AGAP1: variants seen among roughly 807,000 people sequenced by gnomAD.
AGAP1 encodes the protein ArfGAP with GTPase domain, ankyrin repeat and PH domain 1.
In AGAP1, 29 loss-of-function variants were observed where a neutral mutation model predicts 105.3. The observed-to-expected ratio is 0.28, with a 90% CI of 0.21 to 0.38. The LOEUF is 0.38. Ranked by LOEUF, AGAP1 falls within the 10% of genes least tolerant of loss-of-function variation. The pLI is 1.00. For synonymous variants in AGAP1, 509 were observed against 485.9 expected (o/e 1.05, Z -0.63); for missense variants, 998 against 1,165.1 (o/e 0.86, Z 2.09).
chr2:235,674,793 A>G (rs1333467696), intron 1 of AGAP1, among the ~76,000 whole-genome samples: 1 of 151,036 alleles, frequency 6.6e-6, no homozygotes, highest in East Asian at 2.0e-4. Context: ...GGTTCAAGCA[A>G]TTCTCCTCCC....
intron 12 of AGAP1, among the ~76,000 whole-genome samples, chr2:235,943,866 T>A (rs1383003568): frequency 6.6e-6 from 1 of 152,200 alleles, no homozygotes; most frequent in Non-Finnish European, 1.5e-5. Context: ...TGGTTTTGCA[T>A]TCTTAAACTT....
chr2:236,035,314 T>C lies in AGAP1; in HGVS notation c.1646-1247T>C, dbSNP rs2057346684. On this transcript the variant is annotated intron_variant, in intron 13 of 17. Coordinates refer to ENST00000304032, the MANE Select transcript of AGAP1 (RefSeq NM_001037131.3). The surrounding 1 kb of genome is among the most constrained non-coding windows in gnomAD (Gnocchi z 4.2). ...CCCGGAAACATTGAGTCAAATGAGA[T>C]GTTGTGTCTGAAAACCTAGTTGAAG... Among the ~76,000 whole-genome samples, 1 of 152,108 alleles carries C rather than the reference T, an allele frequency of 6.6e-6. No homozygotes were observed. Among genetic ancestry groups the C allele is most frequent in the African/African-American group, 2.4e-5 (1 of 41,422 alleles).
chr2:235,855,584 T>C lies in AGAP1; in HGVS notation c.1051-27761T>C, dbSNP rs959822049. ...TTAAATATAGGGTATCATTCTTTCC[T>C]TTAGATTCGTTGCCCTGAACTTTTG... On this transcript the variant is annotated intron_variant, in intron 9 of 17. Coordinates refer to ENST00000304032, the MANE Select transcript of AGAP1 (RefSeq NM_001037131.3). The surrounding 1 kb of genome is among the most constrained non-coding windows in gnomAD (Gnocchi z 5.0). Among the ~76,000 whole-genome samples the C allele has an allele frequency of 6.6e-6, 1 of 152,226 alleles. No individual in the cohort carries two copies. The highest frequency in any genetic ancestry group is 2.4e-5 in the African/African-American group (1 of 41,470).
chr2:235,771,307 C>T (rs1049691458), intron 6 of AGAP1, among the ~76,000 whole-genome samples: 13 of 152,208 alleles, frequency 8.5e-5, no homozygotes, highest in African/African-American at 2.9e-4. Context: ...CTGGGGAGCA[C>T]GGTCTCCAGG....
chr2:236,042,697 A>G lies in AGAP1; in HGVS notation c.1891+1856A>G, dbSNP rs1052148372. ...GGTCCTGTCTGAGATGAGCTTGTGC[A>G]TGTGAGTGCGGATGGGGGGTGGGAA... On this transcript the variant is annotated intron_variant, in intron 15 of 17. Coordinates refer to ENST00000304032, the MANE Select transcript of AGAP1 (RefSeq NM_001037131.3). This position sits in a 1 kb window ranked among gnomAD's most constrained non-coding sequence, Gnocchi z 5.6. Among the ~76,000 whole-genome samples the G allele has an allele frequency of 4.6e-5, 7 of 152,066 alleles. No homozygotes were observed. The highest frequency in any genetic ancestry group is 1.7e-4 in the African/African-American group (7 of 41,430).
At position 236,128,757 on chromosome 2, in the gene AGAP1, G is replaced by A. The variant is rs2060043016; in HGVS notation, c.*4635G>A. 6.6e-6 allele frequency: 1 copy of A among 152,232 alleles called. No homozygotes were observed. Among genetic ancestry groups the A allele is most frequent in the Non-Finnish European group, 1.5e-5 (1 of 68,052 alleles). 9.4% of individuals were successfully genotyped at this position (152,232 alleles called of 1,614,324 possible). A position where few individuals can be genotyped will look rare whatever the true frequency, so the allele number is the denominator to read the frequency against. ...CTGGCAACGATGTAGCTTCCCCTGA[G>A]ATGCGGTATGATCAGGCCTCAGCAA... is the stretch of plus-strand genomic sequence containing the variant. On this transcript the variant is annotated 3_prime_UTR_variant, in exon 18 of 18. Transcript: ENST00000304032. The surrounding 1 kb of genome is among the most constrained non-coding windows in gnomAD (Gnocchi z 5.9).
rs1472012505 is a variant in AGAP1, at chr2:235,959,588, C to T, written c.1484-8874C>T. On this transcript the variant is annotated intron_variant, in intron 12 of 17. Transcript: ENST00000304032. This position sits in a 1 kb window ranked among gnomAD's most constrained non-coding sequence, Gnocchi z 7.3. ...AGGTGGGTCCTCTCTGGTCGCTCCT[C>T]ACTGGTCTTGAGTCCCAGGTGACAC... Among the ~76,000 whole-genome samples, 5 of 152,026 alleles carry T rather than the reference C, an allele frequency of 3.3e-5. No homozygotes were observed. Among genetic ancestry groups the T allele is most frequent in the African/African-American group, 1.2e-4 (5 of 41,400 alleles).
Position 235,964,090 on chromosome 2 carries a change from C to T in AGAP1, c.1484-4372C>T, listed in dbSNP as rs1234384102. Among the ~76,000 whole-genome samples, 1 of 152,038 alleles carries T rather than the reference C, an allele frequency of 6.6e-6. No individual in the cohort carries two copies. The highest frequency in any genetic ancestry group is 1.5e-5 in the Non-Finnish European group (1 of 68,028). On this transcript the variant is annotated intron_variant, in intron 12 of 17. Transcript: ENST00000304032. This position sits in a 1 kb window ranked among gnomAD's most constrained non-coding sequence, Gnocchi z 4.6. Reference sequence around the variant, plus strand: ...GGCATGCTAGTTAGATTGAGATAAGCGACTGGCAGCCTCGTGCAGAAGGTC... The same window carrying T: ...GGCATGCTAGTTAGATTGAGATAAGTGACTGGCAGCCTCGTGCAGAAGGTC...
rs1943740794 is a variant in AGAP1, at chr2:235,549,698, CT to C, written c.163+54852del. Among the ~76,000 whole-genome samples the C allele has an allele frequency of 6.6e-6, 1 of 152,246 alleles. No homozygotes were observed. On this transcript the variant is annotated intron_variant, in intron 1 of 17. Coordinates refer to ENST00000304032, the MANE Select transcript of AGAP1 (RefSeq NM_001037131.3). This position sits in a 1 kb window ranked among gnomAD's most constrained non-coding sequence, Gnocchi z 4.2. ...TTAGCACCTGGCAAATGTATTGATA[CT>C]TTACGAGCATTCACATGCATTTAAG... is the stretch of plus-strand genomic sequence containing the variant.
At chr2:235,895,225 CTCA>C (rs2050745887) in intron 10 of AGAP1, among the ~76,000 whole-genome samples, 1 of 152,168 alleles carries the variant, frequency 6.6e-6, no homozygotes, top group Non-Finnish European at 1.5e-5. Context: ...CCTTGTGATT[CTCA>C]TCATATTTTT....
At position 235,589,189 on chromosome 2, in the gene AGAP1, G is replaced by GTTTTTTTTTTTTTTTTTTTTTTT. The variant is rs1205771315; in HGVS notation, c.163+94344_163+94345insTTTTTTTTTTTTTTTTTTTTTTT. On this transcript the variant is annotated intron_variant, in intron 1 of 17. Transcript: ENST00000304032. ...GAGAACTACCAGTTAATAGCTTATT[G>GTTTTTTTTTTTTTTTTTTTTTTT]TTTTGTTTTTTTTTTTTTTTTTTTT... Among the ~76,000 whole-genome samples, 4 of 54,926 alleles carry GTTTTTTTTTTTTTTTTTTTTTTT rather than the reference G, an allele frequency of 7.3e-5. 1 individual carries two copies. The highest frequency in any genetic ancestry group is 6.3e-4 in the South Asian group (1 of 1,598). The allele number at this position is 54,926 out of a possible 152,430, so 36.0% of individuals were successfully genotyped here. A position where few individuals can be genotyped will look rare whatever the true frequency, so the allele number is the denominator to read the frequency against.
intron 1 of AGAP1, among the ~76,000 whole-genome samples, chr2:235,619,048 G>T (rs540464611): frequency 6.6e-6 from 1 of 152,144 alleles, no homozygotes; most frequent in Non-Finnish European, 1.5e-5. Flanking sequence ...GGGGGAGAGC[G>T]CTAGGAGCCG....
In AGAP1 at chr2:235,877,892, T is replaced by C. The variant is rs2049821897; in HGVS notation, c.1051-5453T>C. On this transcript the variant is annotated intron_variant, in intron 9 of 17. Coordinates refer to ENST00000304032, the MANE Select transcript of AGAP1 (RefSeq NM_001037131.3). The surrounding 1 kb of genome is among the most constrained non-coding windows in gnomAD (Gnocchi z 4.3). ...CTTCCGTCTTTTGCCAACTTAAAAT[T>C]TGTCCTCGCCAGGGGAATCTTTCCT... Among the ~76,000 whole-genome samples the C allele has an allele frequency of 6.6e-6, 1 of 152,138 alleles. No homozygotes were observed. The highest frequency in any genetic ancestry group is 2.1e-4 in the South Asian group (1 of 4,826).
chr2:235,807,725 A>G (rs1023920520), intron 9 of AGAP1, among the ~76,000 whole-genome samples: 2 of 152,218 alleles, frequency 1.3e-5, no homozygotes, highest in African/African-American at 2.4e-5. Context: ...TTGCTCTCAC[A>G]GACGGACATC....
intron 8 of AGAP1, among the ~76,000 whole-genome samples, chr2:235,805,177 AT>A (rs1957776746): frequency 2.6e-5 from 4 of 152,156 alleles, no homozygotes; most frequent in Non-Finnish European, 5.9e-5. Flanking sequence ...TCTCCGGCAA[AT>A]TGTTAAAGTT....
In AGAP1 at chr2:235,625,107, A is replaced by C. The variant is rs1946597430; in HGVS notation, c.164-84072A>C. 6.6e-6 allele frequency among the ~76,000 whole-genome samples: 1 copy of C among 152,172 alleles called. No homozygotes were observed. The highest frequency in any genetic ancestry group is 1.5e-5 in the Non-Finnish European group (1 of 68,036). On this transcript the variant is annotated intron_variant, in intron 1 of 17. Coordinates refer to ENST00000304032, the MANE Select transcript of AGAP1 (RefSeq NM_001037131.3). The surrounding 1 kb of genome is among the most constrained non-coding windows in gnomAD (Gnocchi z 4.0). Reference sequence around the variant, plus strand: ...TAGAGTAATGCAAGAATGGACTAACACAGCAGGTGTGATCATTGGATGAGG... The same window carrying C: ...TAGAGTAATGCAAGAATGGACTAACCCAGCAGGTGTGATCATTGGATGAGG...
intron 1 of AGAP1, among the ~76,000 whole-genome samples, chr2:235,658,726 C>A (rs1947852371): frequency 6.6e-6 from 1 of 152,134 alleles, no homozygotes; most frequent in Non-Finnish European, 1.5e-5. Context: ...CGGGGACTTC[C>A]CTGGTGAGGG....
intron 13 of AGAP1, among the ~76,000 whole-genome samples, chr2:235,995,913 G>T (rs949073326): frequency 1.3e-5 from 2 of 152,164 alleles, no homozygotes; most frequent in African/African-American, 4.8e-5. Context: ...CAGTGGGTTT[G>T]GAGGTCACTG....
intron 6 of AGAP1, among the ~76,000 whole-genome samples, chr2:235,772,080 C>T (rs1955506363): frequency 6.6e-6 from 1 of 150,594 alleles, no homozygotes; most frequent in African/African-American, 2.4e-5. Context: ...ACTGCAACCT[C>T]CGCCTCCGAG....
Sources: allele counts gnomAD v4.1 joint callset (sites outside exome capture counted in the v4.1 genomes callset), GRCh38; gene constraint gnomAD v4.1.1; non-coding constraint Gnocchi (gnomAD v3.1); transcripts MANE v1.5; gene names NCBI Gene and HGNC (gene_info 2026-07-23, HGNC 2026-07-21).